ELL2: variants seen among roughly 807,000 people sequenced by gnomAD.
The protein encoded by ELL2 is elongation factor for RNA polymerase II 2.
In ELL2, 21 loss-of-function variants were observed where a neutral mutation model predicts 72.8. That is an observed-to-expected ratio of 0.29 (90% confidence interval 0.20 to 0.42). The LOEUF is 0.42. ELL2 is among the 10% of genes least tolerant of loss of function. The pLI, the probability that ELL2 is intolerant of heterozygous loss-of-function variation, is 1.00. For missense variants in ELL2, 568 were observed against 772.8 expected (o/e 0.73, Z 3.14); for synonymous variants, 266 against 283.2 (o/e 0.94, Z 0.61).
At chr5:95,907,676 G>C (rs750223196) in intron 4 of ELL2, among the ~76,000 whole-genome samples, 105 of 152,194 alleles carry the variant, frequency 6.9e-4, no homozygotes, top group Non-Finnish European at 1.3e-3. Flanking sequence ...ATGAAACTGT[G>C]TGAGACTCTC....
chr5:95,945,261 T>G (rs1751113159), intron 1 of ELL2, among the ~76,000 whole-genome samples: 1 of 152,198 alleles, frequency 6.6e-6, no homozygotes, highest in Admixed American at 6.5e-5. Context: ...CAAAGGCACT[T>G]TTATCCTCTT....
At chr5:95,927,461 G>A (rs1197206830) in intron 2 of ELL2, among the ~76,000 whole-genome samples, 5 of 33,266 alleles carry the variant, frequency 1.5e-4, no homozygotes, top group African/African-American at 9.5e-4. Context: ...ACACACACAC[G>A]TGTGTATATA....
intron 3 of ELL2, among the ~76,000 whole-genome samples, chr5:95,916,602 T>C (rs1290830010): frequency 1.3e-5 from 2 of 151,712 alleles, no homozygotes; most frequent in Non-Finnish European, 2.9e-5. Context: ...GGCAGGGAGG[T>C]CACAGCTCCC....
rs1481304154 is a variant in ELL2, at chr5:95,891,102, C to A, written c.1761+1G>T. On this transcript the variant is annotated splice_donor_variant, in intron 10 of 11. Coordinates refer to ENST00000237853, the MANE Select transcript of ELL2 (RefSeq NM_012081.6). LOFTEE classifies it high-confidence loss of function. ...GCCCATCTAGTTACAAATCCATTTA[C>A]CTGATACTCTTTTGAGCCTGGAGAA... is the stretch of plus-strand genomic sequence containing the variant. 6.2e-7 allele frequency: 1 copy of A among 1,614,106 alleles called. No individual in the cohort carries two copies. The highest frequency in any genetic ancestry group is 1.1e-5 in the South Asian group (1 of 91,076).
chr5:95,913,786 C>G lies in ELL2; in HGVS notation c.466G>C (p.Gly156Arg), dbSNP rs760142595. ...RNRSTKVIKPGGPYVGKRVQI... is the reference protein window; with the variant it reads ...RNRSTKVIKPRGPYVGKRVQI... ...CTATACAAACCTACATATGGTCCAC[C>G]GGGTTTGATAACTTTTGTGCTTCGG... Residue 156 changes from glycine to arginine, a missense_variant, in exon 4 of 12, where the codon GGT becomes CGT. Transcript: ENST00000237853. 3.1e-6 allele frequency: 5 copies of G among 1,609,952 alleles called. No individual in the cohort carries two copies. The highest frequency in any genetic ancestry group is 4.2e-6 in the Non-Finnish European group (5 of 1,178,312).
chr5:95,906,744 A>T lies in ELL2; in HGVS notation c.520T>A (p.Ser174Thr). The T allele has an allele frequency of 6.2e-7, 1 of 1,613,716 alleles. No individual in the cohort carries two copies. Among genetic ancestry groups the T allele is most frequent in the East Asian group, 2.2e-5 (1 of 44,870 alleles). ...CTTTTCCTCTCAGGAACTGTATCTG[A>T]AACAGCTTGAGGTGCTTTCCGAATT... The part of the protein sequence containing the change: ...VQIRKAPQAV[S>T]DTVPERKRST... Residue 174 changes from serine (S) to threonine (T), a missense_variant, in exon 5 of 12, where the codon TCA becomes ACA. Physicochemically the swap from Ser to Thr is moderately conservative, Grantham distance 58 (BLOSUM62 1). Coordinates refer to ENST00000237853, the MANE Select transcript of ELL2 (RefSeq NM_012081.6).
At chr5:95,956,778 A>T (rs1751642896) in intron 1 of ELL2, among the ~76,000 whole-genome samples, 1 of 152,236 alleles carries the variant, frequency 6.6e-6, no homozygotes, top group Non-Finnish European at 1.5e-5. Context: ...TAACACATTG[A>T]AGGGAGCTAC....
At chr5:95,919,178 AT>A (rs1323846714) in intron 3 of ELL2, among the ~76,000 whole-genome samples, 2 of 152,196 alleles carry the variant, frequency 1.3e-5, no homozygotes, top group Non-Finnish European at 2.9e-5. Context: ...AGGTTAAAAA[AT>A]ATCTTCTGTA....
chr5:95,903,077 C>T (rs374657853), intron 5 of ELL2, among the ~76,000 whole-genome samples: 14 of 152,166 alleles, frequency 9.2e-5, no homozygotes, highest in South Asian at 6.2e-4. Context: ...TGAGCCACTA[C>T]GCCCCACTGG....
At position 95,906,647 on chromosome 5, in the gene ELL2, T is replaced by C. The variant is rs377418503; in HGVS notation, c.617A>G (p.Tyr206Cys). 2.5e-6 allele frequency: 4 copies of C among 1,614,006 alleles called. No homozygotes were observed. The highest frequency in any genetic ancestry group is 3.4e-6 in the Non-Finnish European group (4 of 1,179,980). Residue 206 changes from tyrosine (Y) to cysteine (C), a missense_variant, in exon 5 of 12, where the codon TAC (tyrosine) becomes TGC (cysteine). Coordinates refer to ENST00000237853, the MANE Select transcript of ELL2 (RefSeq NM_012081.6). ...CAGTAAGTGAATCACCCTGTCCCTG[T>C]ATGGCCTCTGAGAGATGGTGCTGCT... ...HSSSTISQRPYRDRVIHLLAL... is the reference protein window; with the variant it reads ...HSSSTISQRPCRDRVIHLLAL...
chr5:95,914,971 G>T (rs1561498223), intron 3 of ELL2, among the ~76,000 whole-genome samples: 1 of 152,076 alleles, frequency 6.6e-6, no homozygotes, highest in Non-Finnish European at 1.5e-5. Context: ...AGTCATAACT[G>T]GTATTTTATA....
chr5:95,957,831 C>T (rs959317827), intron 1 of ELL2, among the ~76,000 whole-genome samples: 2 of 152,150 alleles, frequency 1.3e-5, no homozygotes, highest in African/African-American at 2.4e-5. Context: ...ACCCTTAGAA[C>T]GCTGTAAATT....
chr5:95,898,522 A>C lies in ELL2; in HGVS notation c.1243T>G (p.Phe415Val). The change falls in exon 8 of 12, where the codon TTT becomes GTT. Residue 415 changes from phenylalanine (F) to valine (V), a missense_variant. Around this residue, in one of 2 missense-constraint regions of ELL2, gnomAD observed 511 missense variants for 728.4 expected, o/e 0.70. Transcript: ENST00000237853. The stretch of plus-strand genomic sequence containing the variant: ...TCATAGATACTATCGTTTTGACTAA[A>C]ACTGTCAACAGGTAGGTCTTGAGTC... ...RGTQDLPVDS[F>V]SQNDSIYEDQ... 3.7e-6 allele frequency: 6 copies of C among 1,614,104 alleles called. No homozygotes were observed. The highest frequency in any genetic ancestry group is 5.1e-6 in the Non-Finnish European group (6 of 1,180,024).
chr5:95,935,657 G>A (rs1194119430), intron 2 of ELL2, among the ~76,000 whole-genome samples: 2 of 152,190 alleles, frequency 1.3e-5, no homozygotes, highest in African/African-American at 4.8e-5. Context: ...CTGATAGAAT[G>A]AGGATTGGAG....
At chr5:95,895,345 T>G (rs1748826163) in intron 9 of ELL2, among the ~76,000 whole-genome samples, 1 of 152,210 alleles carries the variant, frequency 6.6e-6, no homozygotes, top group Non-Finnish European at 1.5e-5. Context: ...CCCTAAAATC[T>G]TTCATAATCA....
intron 2 of ELL2, among the ~76,000 whole-genome samples, chr5:95,926,311 T>C (rs111654886): frequency 2.0e-5 from 3 of 152,126 alleles, no homozygotes; most frequent in Admixed American, 6.6e-5. Flanking sequence ...GAGCTAAATA[T>C]TCCTACTGAC....
chr5:95,951,750 G>T (rs934236607), intron 1 of ELL2, among the ~76,000 whole-genome samples: 4 of 152,182 alleles, frequency 2.6e-5, no homozygotes, highest in African/African-American at 9.7e-5. Context: ...TGGGGGAAGG[G>T]TAGAAACTTG....
intron 2 of ELL2, among the ~76,000 whole-genome samples, chr5:95,941,053 G>A (rs1191826895): frequency 6.6e-6 from 1 of 152,084 alleles, no homozygotes; most frequent in Non-Finnish European, 1.5e-5. Context: ...TTAGAATAAT[G>A]AAAAGAGTGG....
In ELL2 at chr5:95,919,430, A is replaced by C; in HGVS notation, c.311T>G (p.Phe104Cys). Residue 104 changes from phenylalanine (F) to cysteine (C), a missense_variant, in exon 3 of 12, where the codon TTC (phenylalanine) becomes TGC (cysteine). Phe to Cys is a radical substitution (Grantham distance 205). Coordinates refer to ENST00000237853, the MANE Select transcript of ELL2 (RefSeq NM_012081.6). The stretch of plus-strand genomic sequence containing the variant: ...TACCTTGAAAAGTACTTACCTGGAG[A>C]ATGTTTGCTGGATGCAGTCAAAGCT... ...QGSFDCIQQT[F>C]SSSGASQLNC... 6.3e-7 allele frequency: 1 copy of C among 1,581,462 alleles called. No individual in the cohort carries two copies. The highest frequency in any genetic ancestry group is 8.5e-7 in the Non-Finnish European group (1 of 1,170,600).
Sources: gnomAD v4.1 joint callset for allele counts (sites outside exome capture counted in the v4.1 genomes callset) on GRCh38, gnomAD v4.1.1 for gene constraint, gnomAD v4.1.1 regional missense constraint, MANE v1.5 for transcripts, NCBI Gene and HGNC (gene_info 2026-07-23, HGNC 2026-07-21) for gene names.